The following R3HDM1 variants were observed in gnomAD, a reference collection of about 807,000 sequenced individuals.
R3HDM1 encodes the protein R3H domain containing 1, also known as R3H domain-containing protein 1.
A neutral mutation model predicts 141.1 loss-of-function variants in R3HDM1; 46 were observed. The observed-to-expected ratio is 0.33, with a 90% CI of 0.26 to 0.42. The LOEUF (loss-of-function observed/expected upper bound fraction) is 0.42. R3HDM1 is among the 10% of genes least tolerant of loss of function. R3HDM1 has a pLI of 1.00. For synonymous variants in R3HDM1, 435 were observed against 472.9 expected (o/e 0.92, Z 1.04); for missense variants, 1,184 against 1,368.3 (o/e 0.87, Z 2.12).
chr2:135,565,323 ATT>A (rs1194609780), intron 1 of R3HDM1, among the ~76,000 whole-genome samples: 104 of 68,962 alleles, frequency 1.5e-3, no homozygotes, highest in African/African-American at 0.014. Context: ...ATGAAAAAAA[ATT>A]ATTATTATTA....
intron 1 of R3HDM1, among the ~76,000 whole-genome samples, chr2:135,572,748 G>A (rs1704430184): frequency 6.6e-6 from 1 of 152,174 alleles, no homozygotes; most frequent in Non-Finnish European, 1.5e-5. Context: ...TCAATAGATG[G>A]AAACAAGACA....
At chr2:135,587,303 TTGCTTTTTATCTG>T (rs1352762182) in intron 1 of R3HDM1, among the ~76,000 whole-genome samples, 1 of 152,192 alleles carries the variant, frequency 6.6e-6, no homozygotes, top group Non-Finnish European at 1.5e-5. Context: ...AGAGTTTTGC[TTGCTTTTTATCTG>T]GAATTAGCTG....
At chr2:135,673,369 CA>C (rs1344572790) in intron 19 of R3HDM1, among the ~76,000 whole-genome samples, 2 of 151,746 alleles carry the variant, frequency 1.3e-5, no homozygotes, top group Non-Finnish European at 2.9e-5. Context: ...ATTTCCAACA[CA>C]AAAAAAGGTC....
In R3HDM1 at chr2:135,699,941, T is replaced by C. The variant is rs571506128; in HGVS notation, c.2460-9492T>C. Among the ~76,000 whole-genome samples, 5 of 151,442 alleles carry C rather than the reference T, an allele frequency of 3.3e-5. No individual in the cohort carries two copies. In the South Asian group the frequency reaches 1.0e-3, roughly 32 times the overall value. ...TGAACACAAAAAGTAGGCTAAAACATATAGTTAGCAATACTGTGCATAGAG... is the reference window on the plus strand; with the variant it reads ...TGAACACAAAAAGTAGGCTAAAACACATAGTTAGCAATACTGTGCATAGAG... On this transcript the variant is annotated intron_variant, in intron 21 of 26. Transcript: ENST00000683871.
Position 135,638,781 on chromosome 2 carries a change from G to A in R3HDM1, c.984G>A (p.Gln328=). The A allele has an allele frequency of 5.0e-6, 8 of 1,614,058 alleles. No homozygotes were observed. Among genetic ancestry groups the A allele is most frequent in the Non-Finnish European group, 5.9e-6 (7 of 1,180,010 alleles). The change falls in exon 13 of 27, where the codon CAG becomes CAA. Residue 328 remains glutamine (Q), a synonymous_variant. Coordinates refer to ENST00000683871, the MANE Select transcript of R3HDM1 (RefSeq NM_001378107.1). The part of the protein sequence containing the change: ...EDASSTQQRR[Q]IFRVNKDASG... Reference sequence around the variant, plus strand: ...CCAGTAGTACCCAGCAGAGGCGCCAGATATTTAGGTATTGGAAGCATGTTT... The same window carrying A: ...CCAGTAGTACCCAGCAGAGGCGCCAAATATTTAGGTATTGGAAGCATGTTT...
At position 135,638,777 on chromosome 2, in the gene R3HDM1, G is replaced by A. The variant is rs202036518; in HGVS notation, c.980G>A (p.Arg327His). 1.2e-4 allele frequency: 191 copies of A among 1,613,842 alleles called. No homozygotes were observed. Among genetic ancestry groups the A allele is most frequent in the Non-Finnish European group, 1.6e-4 (185 of 1,179,980 alleles). ...GATGCCAGTAGTACCCAGCAGAGGC[G>A]CCAGATATTTAGGTATTGGAAGCAT... ...DEDASSTQQRRQIFRVNKDAS... is the reference protein window; with the variant it reads ...DEDASSTQQRHQIFRVNKDAS... Residue 327 changes from arginine to histidine, a missense_variant, in exon 13 of 27, where the codon CGC (arginine) becomes CAC (histidine). Around this residue, in one of 5 missense-constraint regions of R3HDM1, gnomAD observed 240 missense variants for 312.3 expected, o/e 0.77. Coordinates refer to ENST00000683871, the MANE Select transcript of R3HDM1 (RefSeq NM_001378107.1).
chr2:135,616,266 T>G, intron 4 of R3HDM1, 73 bp downstream of exon 4: 1 of 1,391,714 alleles, frequency 7.2e-7, no homozygotes, highest in Non-Finnish European at 1.0e-6. Flanking sequence ...TGTTTTCATA[T>G]AGCACTACAT....
In R3HDM1 at chr2:135,725,138, C is replaced by T. The variant is rs1260242790; in HGVS notation, c.*846C>T. On this transcript the variant is annotated 3_prime_UTR_variant, in exon 27 of 27. Transcript: ENST00000683871. ...TGTTTTCATTGTTTGCAGCGGATCA[C>T]TGGACATCAAAGATTCATTGCACTT... The T allele has an allele frequency of 6.6e-6, 1 of 151,858 alleles. No individual in the cohort carries two copies. The highest frequency in any genetic ancestry group is 1.5e-5 in the Non-Finnish European group (1 of 68,014). The allele number at this position is 151,858 out of a possible 1,614,324, so 9.4% of individuals were successfully genotyped here. A position where few individuals can be genotyped will look rare whatever the true frequency, so the allele number is the denominator to read the frequency against.
rs147015370 is a variant in R3HDM1 at position 135,564,375 on chromosome 2, A to G, written c.-250+32742A>G. ...CACTCTGTTGCCCAGGCGGGAGTGC[A>G]GTGGCACCATCTTGGCTCACTGCAA... On this transcript the variant is annotated intron_variant, in intron 1 of 26. Transcript: ENST00000683871. Among the ~76,000 whole-genome samples the G allele has an allele frequency of 2.9e-3, 445 of 152,300 alleles. 2 individuals are homozygous for G. Among genetic ancestry groups the G allele is most frequent in the African/African-American group, 0.01 (421 of 41,562 alleles).
intron 21 of R3HDM1, among the ~76,000 whole-genome samples, chr2:135,709,142 C>T (rs185660542): frequency 1.4e-4 from 21 of 152,012 alleles, no homozygotes; most frequent in African/African-American, 4.1e-4. Flanking sequence ...GGCGCAATCT[C>T]GGCTCACTGC....
intron 1 of R3HDM1, among the ~76,000 whole-genome samples, chr2:135,560,968 A>G (rs1449267046): frequency 3.3e-5 from 5 of 152,242 alleles, no homozygotes; most frequent in Non-Finnish European, 5.9e-5. Flanking sequence ...TGCAAGGGAC[A>G]TACAGAAACA....
intron 16 of R3HDM1, among the ~76,000 whole-genome samples, chr2:135,647,095 C>G (rs183349221): frequency 1.3e-5 from 2 of 152,270 alleles, no homozygotes; most frequent in African/African-American, 4.8e-5. Flanking sequence ...GAAGAACTTA[C>G]AAGTTATGGA....
At chr2:135,604,352 T>G (rs201890541) in intron 2 of R3HDM1, among the ~76,000 whole-genome samples, 2 of 152,236 alleles carry the variant, frequency 1.3e-5, no homozygotes, top group African/African-American at 4.8e-5. Context: ...TATATTATTC[T>G]CCAGCCATTA....
chr2:135,650,386 C>G (rs2065022153), intron 17 of R3HDM1: 4 of 984,734 alleles, frequency 4.1e-6, no homozygotes, highest in Non-Finnish European at 3.6e-6. Flanking sequence ...CCAGTAGACC[C>G]AGTACCAGTT....
chr2:135,654,427 TTTG>T (rs35477275), intron 18 of R3HDM1, among the ~76,000 whole-genome samples: 22,916 of 149,050 alleles, frequency 0.15, 2,043 homozygotes, highest in Middle Eastern at 0.38. Context: ...AATGTTTTCT[TTTG>T]TTGTTGTTGT....
chr2:135,612,323 T>C (rs1448824501), intron 3 of R3HDM1, among the ~76,000 whole-genome samples: 1 of 152,222 alleles, frequency 6.6e-6, no homozygotes, highest in African/African-American at 2.4e-5. Flanking sequence ...GTTTTGAGTC[T>C]GGTTGAAAGG....
chr2:135,657,454 C>A (rs1409482370), intron 18 of R3HDM1, among the ~76,000 whole-genome samples: 1 of 151,062 alleles, frequency 6.6e-6, no homozygotes, highest in Admixed American at 6.6e-5. Flanking sequence ...AAGGAAAATA[C>A]CTAAACTCAG....
chr2:135,661,446 C>T, intron 19 of R3HDM1, 53 bp downstream of exon 19: 2 of 1,583,200 alleles, frequency 1.3e-6, no homozygotes, highest in Non-Finnish European at 1.7e-6. Flanking sequence ...TTTCCATCTT[C>T]TATTTCAGTG....
chr2:135,653,714 G>A (rs943579679), intron 18 of R3HDM1, among the ~76,000 whole-genome samples: 1 of 152,154 alleles, frequency 6.6e-6, no homozygotes, highest in South Asian at 2.1e-4. Flanking sequence ...GTTTTGGGCC[G>A]GACACAGTGG....
Sources: allele counts gnomAD v4.1 joint callset (sites outside exome capture counted in the v4.1 genomes callset), GRCh38; gene constraint gnomAD v4.1.1; regional missense constraint gnomAD v4.1.1; transcripts MANE v1.5; gene names NCBI Gene and HGNC (gene_info 2026-07-23, HGNC 2026-07-21).